IWS1: variants seen among roughly 807,000 people sequenced by gnomAD.
IWS1 encodes protein IWS1 homolog.
Under a neutral mutation model 86.7 loss-of-function variants are expected in IWS1, and 27 were observed. The observed-to-expected ratio is 0.31, with a 90% CI of 0.23 to 0.43. The LOEUF is 0.43. Among genes scored for constraint, IWS1 ranks in the 20% least tolerant of loss-of-function variants. IWS1 has a pLI of 1.00. For missense variants in IWS1, 827 were observed against 1,000.8 expected (o/e 0.83, Z 2.34); for synonymous variants, 313 against 335.1 (o/e 0.93, Z 0.72).
At chr2:127,526,498 C>A, upstream of IWS1, 1 of 1,504,172 alleles carries the variant, frequency 6.6e-7, no homozygotes, top group South Asian at 1.2e-5. Flanking sequence ...CTGCCCACGA[C>A]CCTCAAAGGA....
intron 9 of IWS1, chr2:127,492,955 G>A (rs911980442): frequency 1.7e-5 from 3 of 171,770 alleles, no homozygotes; most frequent in Non-Finnish European, 3.7e-5. Context: ...CCCAGCTCAA[G>A]ATTCAAATGC....
rs113837811 is a variant in IWS1, at chr2:127,526,301, G to A, written c.-93C>T. ...GTGACCCCGGATGGCGCGGCTAAGT[G>A]TTCAGAGACTGCCGCCCGACCGGAG... On this transcript the variant is annotated 5_prime_UTR_variant, in exon 1 of 14. Coordinates refer to ENST00000295321, the MANE Select transcript of IWS1 (RefSeq NM_017969.3). The A allele has an allele frequency of 7.7e-4, 1,190 of 1,543,008 alleles. 8 individuals are homozygous for A. The African/African-American group carries it at 0.013, about 16-fold the overall frequency.
chr2:127,519,502 C>T (rs1248618272), intron 2 of IWS1, among the ~76,000 whole-genome samples: 1 of 150,634 alleles, frequency 6.6e-6, no homozygotes, highest in Non-Finnish European at 1.5e-5. Flanking sequence ...CGTGTGTGTG[C>T]ACTGAGTAAA....
At chr2:127,491,567 C>A (rs1235678525) in intron 10 of IWS1, among the ~76,000 whole-genome samples, 1 of 152,168 alleles carries the variant, frequency 6.6e-6, no homozygotes, top group Non-Finnish European at 1.5e-5. Context: ...CCTCAGCCTC[C>A]CGAGTAGCTG....
Position 127,505,347 on chromosome 2 carries a change from C to G in IWS1, c.556G>C (p.Glu186Gln), listed in dbSNP as rs1441195115. ...DALKPQISDS[E>Q]SEEPPRHQAS... ...TGGTGCCTTGGGGGTTCCTCACTCTCAGAGTCACTGATTTGAGGTTTTAGA... is the reference window on the plus strand; with the variant it reads ...TGGTGCCTTGGGGGTTCCTCACTCTGAGAGTCACTGATTTGAGGTTTTAGA... The change falls in exon 3 of 14, where the codon GAG becomes CAG. Residue 186 changes from glutamate (E) to glutamine (Q), a missense_variant. Physicochemically the swap from Glu to Gln is conservative, Grantham distance 29 (BLOSUM62 2). Transcript: ENST00000295321. The surrounding 1 kb of genome is among the most constrained non-coding windows in gnomAD (Gnocchi z 5.0). 6 of 1,614,082 alleles carry G rather than the reference C, an allele frequency of 3.7e-6. No individual in the cohort carries two copies. Among genetic ancestry groups the G allele is most frequent in the South Asian group, 1.1e-5 (1 of 91,068 alleles).
In IWS1 at chr2:127,499,249, C is replaced by A. The variant is rs1690677289; in HGVS notation, c.1468-1012G>T. Among the ~76,000 whole-genome samples the A allele has an allele frequency of 6.6e-6, 1 of 152,026 alleles. No individual in the cohort carries two copies. The highest frequency in any genetic ancestry group is 2.4e-5 in the African/African-American group (1 of 41,360). On this transcript the variant is annotated intron_variant, in intron 5 of 13. Coordinates refer to ENST00000295321, the MANE Select transcript of IWS1 (RefSeq NM_017969.3). This position sits in a 1 kb window ranked among gnomAD's most constrained non-coding sequence, Gnocchi z 4.0. ...GGGACTACAGGCGCCTGCCACCATG[C>A]CCAGCTAATTTTTCGTATTTTTAGT... is the stretch of plus-strand genomic sequence containing the variant.
intron 2 of IWS1, among the ~76,000 whole-genome samples, chr2:127,510,676 A>G (rs554819783): frequency 2.0e-5 from 3 of 149,044 alleles, no homozygotes; most frequent in Admixed American, 2.0e-4. Context: ...TTTTTTTTGT[A>G]GAGACAGTCT....
In IWS1 at chr2:127,523,702, T is replaced by C; in HGVS notation, c.124A>G (p.Thr42Ala). 6.2e-7 allele frequency: 1 copy of C among 1,613,534 alleles called. No homozygotes were observed. Among genetic ancestry groups the C allele is most frequent in the Non-Finnish European group, 8.5e-7 (1 of 1,179,650 alleles). The change falls in exon 2 of 14, where the codon ACT (threonine) becomes GCT (alanine). Residue 42 changes from threonine (T) to alanine (A), a missense_variant. Thr to Ala is a moderately conservative substitution (Grantham distance 58). Transcript: ENST00000295321. The part of the protein sequence containing the change: ...DVNEQHSGSD[T>A]GSVERHSENE... The stretch of plus-strand genomic sequence containing the variant: ...TCTGAATGACGTTCTACACTTCCAG[T>C]GTCTGATCCGGAGTGTTGCTCATTT...
At chr2:127,490,798 T>C (rs1489002648) in intron 10 of IWS1, 1 of 152,228 alleles carries the variant, frequency 6.6e-6, no homozygotes, top group Non-Finnish European at 1.5e-5. Context: ...AAAAGTTTAT[T>C]ACTTAACAGG....
At chr2:127,501,530 T>C (rs1227351261) in intron 5 of IWS1, among the ~76,000 whole-genome samples, 1 of 152,204 alleles carries the variant, frequency 6.6e-6, no homozygotes. Flanking sequence ...CCCTCTCCTT[T>C]CATTATTCCA....
At chr2:127,483,878 T>C (rs942250877) in intron 13 of IWS1, among the ~76,000 whole-genome samples, 1 of 152,102 alleles carries the variant, frequency 6.6e-6, no homozygotes, top group Non-Finnish European at 1.5e-5. Context: ...ACGTTATCAG[T>C]AGAAAAAAGA....
intron 5 of IWS1, chr2:127,498,569 T>C (rs1023669559): frequency 1.1e-5 from 2 of 185,164 alleles, no homozygotes; most frequent in African/African-American, 4.7e-5. Context: ...CATGTCAGTA[T>C]TAAGTCTTGT....
At chr2:127,504,636 T>C (rs1268677972) in intron 3 of IWS1, 48 bp downstream of exon 3, 19 of 1,306,556 alleles carry the variant, frequency 1.5e-5, no homozygotes, top group Non-Finnish European at 2.0e-5. Context: ...GTTACAAGCT[T>C]AGACAATGAA....
intron 2 of IWS1, among the ~76,000 whole-genome samples, chr2:127,519,309 CCTGT>C (rs1372504556): frequency 5.9e-5 from 9 of 151,970 alleles, no homozygotes; most frequent in African/African-American, 1.7e-4. Flanking sequence ...TGTTCTGTCA[CCTGT>C]CTGAGATTAT....
At position 127,523,661 on chromosome 2, in the gene IWS1, T is replaced by G. The variant is rs980281896; in HGVS notation, c.150+15A>C. 6.5e-7 allele frequency: 1 copy of G among 1,547,678 alleles called. No individual in the cohort carries two copies. Among genetic ancestry groups the G allele is most frequent in the Non-Finnish European group, 8.9e-7 (1 of 1,123,692 alleles). The stretch of plus-strand genomic sequence containing the variant: ...CAAGGGAAAAGCCCTCCCAAAGATG[T>G]TGGTTAGCCAATACCTCTGAATGAC... On this transcript the variant is annotated intron_variant, in intron 2 of 13. Transcript: ENST00000295321.
Position 127,504,785 on chromosome 2 carries a change from T to C in IWS1, c.1118A>G (p.Gln373Arg). Residue 373 changes from glutamine (Q) to arginine (R), a missense_variant, in exon 3 of 14, where the codon CAA (glutamine) becomes CGA (arginine). Gln to Arg is a conservative substitution (Grantham distance 43). Transcript: ENST00000295321. ...SDSEEEEHKKQKMDSDEDEKE... is the reference protein window; with the variant it reads ...SDSEEEEHKKRKMDSDEDEKE... ...TTCATCTTCATCACTGTCCATTTTT[T>C]GCTTTTTGTGTTCTTCCTCCTCACT... 4 of 1,614,246 alleles carry C rather than the reference T, an allele frequency of 2.5e-6. No homozygotes were observed. Among genetic ancestry groups the C allele is most frequent in the South Asian group, 1.1e-5 (1 of 91,090 alleles).
intron 2 of IWS1, among the ~76,000 whole-genome samples, chr2:127,518,765 C>T (rs943005765): frequency 6.6e-6 from 1 of 151,894 alleles, no homozygotes; most frequent in Non-Finnish European, 1.5e-5. Context: ...CGGGGTTTCA[C>T]CACCACGTTG....
At chr2:127,481,219 TA>T (rs1689605082) in intron 13 of IWS1, 44 bp from the exon 14 acceptor site, 1 of 1,549,190 alleles carries the variant, frequency 6.5e-7, no homozygotes, top group East Asian at 2.3e-5. Flanking sequence ...CTGAAATACG[TA>T]AGTCTAGTTA....
rs1439539616 is a variant in IWS1, at chr2:127,489,948, A to G, written c.2048-5T>C. 1.4e-6 allele frequency: 2 copies of G among 1,466,476 alleles called. No homozygotes were observed. Among genetic ancestry groups the G allele is most frequent in the Non-Finnish European group, 1.9e-6 (2 of 1,050,770 alleles). 90.8% of individuals were successfully genotyped at this position (1,466,476 alleles called of 1,614,324 possible). ...ATATAGGCCTAGACCACTCATCTGT[A>G]GTAAGAAAAAAATCAATTATTTTGT... On this transcript the variant is annotated splice_polypyrimidine_tract_variant and splice_region_variant and intron_variant, in intron 10 of 13. Transcript: ENST00000295321. The surrounding 1 kb of genome is among the most constrained non-coding windows in gnomAD (Gnocchi z 4.8).
Sources: gnomAD v4.1 joint callset for allele counts (sites outside exome capture counted in the v4.1 genomes callset) on GRCh38, gnomAD v4.1.1 for gene constraint, Gnocchi (gnomAD v3.1) non-coding constraint, MANE v1.5 for transcripts, NCBI Gene and HGNC (gene_info 2026-07-23, HGNC 2026-07-21) for gene names.